MYOM1: variants seen among roughly 807,000 people sequenced by gnomAD.
MYOM1 encodes the protein myomesin 1, also known as myomesin-1.
Under a neutral mutation model 205.3 loss-of-function variants are expected in MYOM1, and 164 were observed. That is an observed-to-expected ratio of 0.80 (90% CI 0.70 to 0.91). The LOEUF is 0.91. Among genes scored for constraint, MYOM1 ranks in the 40% least tolerant of loss-of-function variants. The pLI, the probability that MYOM1 is intolerant of heterozygous loss-of-function variation, is 0.00. For synonymous variants in MYOM1, 772 were observed against 789.4 expected (o/e 0.98, Z 0.37); for missense variants, 2,011 against 2,127.3 (o/e 0.95, Z 1.08).
intron 2 of MYOM1, among the ~76,000 whole-genome samples, chr18:3,199,115 C>A (rs570589726): frequency 6.6e-6 from 1 of 152,334 alleles, no homozygotes; most frequent in South Asian, 2.1e-4. Context: ...CTTCTCCCAT[C>A]CCTTACCCCC....
intron 34 of MYOM1, among the ~76,000 whole-genome samples, chr18:3,076,991 C>A (rs1490402668): frequency 6.6e-6 from 1 of 150,854 alleles, no homozygotes; most frequent in Non-Finnish European, 1.5e-5. Flanking sequence ...GGATTACAGG[C>A]GTGAGCCACA....
chr18:3,223,355 G>A (rs572819210), upstream of MYOM1, among the ~76,000 whole-genome samples: 15 of 152,188 alleles, frequency 9.9e-5, no homozygotes, highest in South Asian at 6.2e-4. Flanking sequence ...TCTTCAATGC[G>A]GATGTTTTCC....
At chr18:3,073,555 G>A (rs1432406384) in intron 36 of MYOM1, among the ~76,000 whole-genome samples, 2 of 152,238 alleles carry the variant, frequency 1.3e-5, no homozygotes, top group East Asian at 1.9e-4. Flanking sequence ...TGTGTGACAT[G>A]CTGTGTGATA....
Position 3,086,082 on chromosome 18 carries a change from T to G in MYOM1, c.4207A>C (p.Lys1403Gln), listed in dbSNP as rs779356078. The G allele has an allele frequency of 6.2e-7, 1 of 1,611,880 alleles. No homozygotes were observed. Among genetic ancestry groups the G allele is most frequent in the Non-Finnish European group, 8.5e-7 (1 of 1,179,262 alleles). The change falls in exon 30 of 38, where the codon AAG becomes CAG. Residue 1403 changes from lysine (K) to glutamine (Q), a missense_variant. Lys to Gln is a moderately conservative substitution (Grantham distance 53). Coordinates refer to ENST00000356443, the MANE Select transcript of MYOM1 (RefSeq NM_003803.4). ...CATATACCATCCTTAAAGTCATGCT[T>G]TTCATCCACTGATATCTCCCTCTCA... is the stretch of plus-strand genomic sequence containing the variant. ...KDEREISVDE[K>Q]HDFKDGICTL...
intron 20 of MYOM1, among the ~76,000 whole-genome samples, chr18:3,116,725 C>A (rs1567914115): frequency 6.6e-6 from 1 of 152,160 alleles, no homozygotes; most frequent in Admixed American, 6.5e-5. Flanking sequence ...TTAAGGGTGG[C>A]AGGTAGGTAA....
chr18:3,239,267 C>T, the MYOM1 span, among the ~76,000 whole-genome samples: 1 of 152,098 alleles, frequency 6.6e-6, no homozygotes, highest in Non-Finnish European at 1.5e-5. Flanking sequence ...GAGAGTTCCT[C>T]TCTAGTTAGC....
At position 3,106,648 on chromosome 18, in the gene MYOM1, T is replaced by G. The variant is rs182849200; in HGVS notation, c.3419-4018A>C. ...ACCAGCCTGGGCAACAAAATGAGAC[T>G]CTGTATCTACAAAAAAAATTTTTAA... On this transcript the variant is annotated intron_variant, in intron 22 of 37. Coordinates refer to ENST00000356443, the MANE Select transcript of MYOM1 (RefSeq NM_003803.4). Among the ~76,000 whole-genome samples the G allele has an allele frequency of 2.7e-4, 41 of 152,132 alleles. 1 individual carries two copies. In the East Asian group the frequency reaches 7.5e-3, roughly 28 times the overall value.
At chr18:3,164,181 C>T in intron 10 of MYOM1, 97 bp downstream of exon 10, 1 of 1,317,458 alleles carries the variant, frequency 7.6e-7, no homozygotes, top group Non-Finnish European at 1.0e-6. Flanking sequence ...ACTCTTCCAT[C>T]ATTATGAAAC....
At position 3,155,215 on chromosome 18, in the gene MYOM1, C is replaced by T. The variant is rs958481304; in HGVS notation, c.1502-127G>A. The T allele has an allele frequency of 4.1e-5, 39 of 961,026 alleles. No homozygotes were observed. The African/African-American group carries it at 6.5e-4, about 16-fold the overall frequency. The allele number at this position is 961,026 out of a possible 1,614,324, so 59.5% of individuals were successfully genotyped here. On this transcript the variant is annotated intron_variant, in intron 10 of 37. Coordinates refer to ENST00000356443, the MANE Select transcript of MYOM1 (RefSeq NM_003803.4). The stretch of plus-strand genomic sequence containing the variant: ...CAATCTTTGGCCCCAACGCAGCAAG[C>T]ATCAAATCTTGCTATTTTTTTTTTG...
intron 9 of MYOM1, among the ~76,000 whole-genome samples, chr18:3,167,913 T>C (rs1478810703): frequency 6.6e-6 from 1 of 152,192 alleles, no homozygotes; most frequent in Non-Finnish European, 1.5e-5. Flanking sequence ...TGAGATTGAA[T>C]TGTGATTTAA....
chr18:3,081,142 AAAAG>A (rs1487836406), intron 33 of MYOM1, among the ~76,000 whole-genome samples: 1 of 152,142 alleles, frequency 6.6e-6, no homozygotes. Context: ...AAAAAAAAAA[AAAAG>A]AGAGAGAGTT....
chr18:3,174,265 GCTGTT>G, intron 6 of MYOM1, 57 bp from the exon 7 acceptor site: 1 of 1,466,574 alleles, frequency 6.8e-7, no homozygotes, highest in South Asian at 1.2e-5. Flanking sequence ...GTAATTACTA[GCTGTT>G]CTATCAAGGA....
At chr18:3,123,475 C>T (rs1261676863) in intron 19 of MYOM1, among the ~76,000 whole-genome samples, 1 of 151,816 alleles carries the variant, frequency 6.6e-6, no homozygotes, top group Non-Finnish European at 1.5e-5. Context: ...TAATAAGAGG[C>T]TTTAAAAAGA....
intron 22 of MYOM1, 90 bp downstream of exon 22, chr18:3,112,208 T>G: frequency 9.7e-7 from 1 of 1,028,462 alleles, no homozygotes; most frequent in Non-Finnish European, 1.5e-6. Flanking sequence ...TTGATTGTTT[T>G]GAAAATTAGA....
At chr18:3,136,981 C>T (rs141613028) in intron 14 of MYOM1, among the ~76,000 whole-genome samples, 2,063 of 148,616 alleles carry the variant, frequency 0.014, 20 homozygotes, top group Middle Eastern at 0.044. Flanking sequence ...GACGGAGTCT[C>T]GCTGGGTCGC....
intron 12 of MYOM1, among the ~76,000 whole-genome samples, chr18:3,149,828 G>A (rs1370894894): frequency 6.6e-6 from 1 of 152,086 alleles, no homozygotes; most frequent in Non-Finnish European, 1.5e-5. Flanking sequence ...CATTAACCAG[G>A]GGACTTTTTG....
At chr18:3,180,333 G>T (rs2080711916) in intron 5 of MYOM1, among the ~76,000 whole-genome samples, 1 of 152,134 alleles carries the variant, frequency 6.6e-6, no homozygotes, top group African/African-American at 2.4e-5. Flanking sequence ...TGCAGAGCTT[G>T]TAGTCTTTTC....
At chr18:3,228,647 A>G in the MYOM1 span, among the ~76,000 whole-genome samples, 2 of 152,200 alleles carry the variant, frequency 1.3e-5, no homozygotes, top group Non-Finnish European at 2.9e-5. The surrounding 1 kb of genome is among the most constrained non-coding windows in gnomAD (Gnocchi z 4.5). Context: ...CCATTTTAAG[A>G]GTAAAGTTCA....
chr18:3,183,225 G>A (rs185602049), intron 5 of MYOM1, among the ~76,000 whole-genome samples: 16 of 152,226 alleles, frequency 1.1e-4, no homozygotes, highest in African/African-American at 3.4e-4. Flanking sequence ...CACCACGCCC[G>A]GCCTGTAACT....
Sources: gnomAD v4.1 joint callset for allele counts (sites outside exome capture counted in the v4.1 genomes callset) on GRCh38, gnomAD v4.1.1 for gene constraint, Gnocchi (gnomAD v3.1) non-coding constraint, MANE v1.5 for transcripts, NCBI Gene and HGNC (gene_info 2026-07-23, HGNC 2026-07-21) for gene names.